PACSIN2: variants seen among roughly 807,000 people sequenced by gnomAD.
The protein encoded by PACSIN2 is protein kinase C and casein kinase substrate in neurons protein 2.
Under a neutral mutation model 63.8 loss-of-function variants are expected in PACSIN2, and 25 were observed. The ratio of observed to expected loss-of-function variants is 0.39; its 90% confidence interval spans 0.29 to 0.55. The LOEUF is 0.55. PACSIN2 is among the 20% of genes least tolerant of loss of function. The pLI, the probability that PACSIN2 is intolerant of heterozygous loss-of-function variation, is 0.62. For missense variants in PACSIN2, 518 were observed against 646.9 expected, an observed-to-expected ratio of 0.80 and a Z score of 2.16; for synonymous variants, 255 against 256.2, an observed-to-expected ratio of 1.00 and a Z score of 0.05.
intron 1 of PACSIN2, among the ~76,000 whole-genome samples, chr22:42,992,951 C>T (rs1370283671): frequency 6.6e-6 from 1 of 152,068 alleles, no homozygotes; most frequent in African/African-American, 2.4e-5. Context: ...ATTGCCCGAG[C>T]TCAGGAGTTT....
At chr22:42,987,422 G>A (rs1276777890) in intron 1 of PACSIN2, among the ~76,000 whole-genome samples, 1 of 143,870 alleles carries the variant, frequency 7.0e-6, no homozygotes, top group African/African-American at 2.6e-5. Context: ...CATGTGGTTT[G>A]AGACACCCCA....
chr22:42,878,086 T>C (rs1446719305), intron 8 of PACSIN2, among the ~76,000 whole-genome samples: 1 of 152,156 alleles, frequency 6.6e-6, no homozygotes, highest in Non-Finnish European at 1.5e-5. Context: ...CTTGGCACCT[T>C]TCTCTAGCAG....
chr22:42,891,171 C>G lies in PACSIN2; in HGVS notation c.229G>C (p.Gly77Arg). 2 of 1,613,110 alleles carry G rather than the reference C, an allele frequency of 1.2e-6. No individual in the cohort carries two copies. Among genetic ancestry groups the G allele is most frequent in the Non-Finnish European group, 1.7e-6 (2 of 1,179,614 alleles). Reference sequence around the variant, plus strand: ...GCCATCCAGGCCTTCTCCACGGTCCCGTACTGGGGCCCTGTGCAGGGGAGA... The same window carrying G: ...GCCATCCAGGCCTTCTCCACGGTCCGGTACTGGGGCCCTGTGCAGGGGAGA... ...RQLVEKGPQY[G>R]TVEKAWMAFM... is the part of the protein sequence containing the mutation. Residue 77 changes from glycine to arginine, a missense_variant, in exon 4 of 11, where the codon GGG becomes CGG. Gly to Arg is a moderately radical substitution (Grantham distance 125, BLOSUM62 -2). Transcript: ENST00000263246.
At chr22:42,916,969 T>A (rs1203055639) in intron 1 of PACSIN2, among the ~76,000 whole-genome samples, 1 of 152,192 alleles carries the variant, frequency 6.6e-6, no homozygotes, top group Non-Finnish European at 1.5e-5. Flanking sequence ...TAAGCACTTT[T>A]GGTGACGCTG....
intron 1 of PACSIN2, among the ~76,000 whole-genome samples, chr22:42,938,906 T>A (rs929467906): frequency 6.6e-6 from 1 of 152,362 alleles, no homozygotes; most frequent in East Asian, 1.9e-4. Flanking sequence ...AAATCCTATA[T>A]GCAGATTCAT....
intron 1 of PACSIN2, among the ~76,000 whole-genome samples, chr22:42,999,241 C>T (rs1362325296): frequency 1.3e-5 from 2 of 152,240 alleles, no homozygotes; most frequent in African/African-American, 2.4e-5. Flanking sequence ...CATGCTCCCC[C>T]TCCTGTAAGT....
At chr22:42,907,999 G>A (rs900043172) in intron 2 of PACSIN2, among the ~76,000 whole-genome samples, 10 of 152,304 alleles carry the variant, frequency 6.6e-5, no homozygotes, top group African/African-American at 2.2e-4. Flanking sequence ...GGCAGGGAAC[G>A]GTAAATGTTG....
chr22:42,943,085 A>G (rs767396525), intron 1 of PACSIN2, among the ~76,000 whole-genome samples: 6 of 152,100 alleles, frequency 3.9e-5, no homozygotes, highest in African/African-American at 1.2e-4. Context: ...ATGTTTTGTA[A>G]TTTTCAGAAT....
intron 5 of PACSIN2, among the ~76,000 whole-genome samples, chr22:42,887,504 C>T (rs534275153): frequency 1.2e-4 from 19 of 152,310 alleles, no homozygotes; most frequent in African/African-American, 4.6e-4. Flanking sequence ...CTGCCCATGT[C>T]CTCTTCCTGG....
At chr22:42,966,533 T>C (rs926918388) in intron 1 of PACSIN2, among the ~76,000 whole-genome samples, 1 of 152,244 alleles carries the variant, frequency 6.6e-6, no homozygotes, top group Non-Finnish European at 1.5e-5. Flanking sequence ...ACCCTTTACA[T>C]AAGCTTCTTT....
intron 2 of PACSIN2, among the ~76,000 whole-genome samples, chr22:42,907,130 T>C (rs1931129158): frequency 6.6e-6 from 1 of 152,200 alleles, no homozygotes; most frequent in Non-Finnish European, 1.5e-5. Flanking sequence ...TCTTTGTGGA[T>C]GGGAGCCTGG....
At chr22:42,950,529 C>CCAGGCA (rs1297127570) in intron 1 of PACSIN2, among the ~76,000 whole-genome samples, 1 of 145,678 alleles carries the variant, frequency 6.9e-6, no homozygotes, top group African/African-American at 2.5e-5. Flanking sequence ...ACGCTGCTGT[C>CCAGGCA]CAGGCACAGG....
chr22:42,912,744 A>T (rs905434491), intron 1 of PACSIN2, among the ~76,000 whole-genome samples: 1 of 152,072 alleles, frequency 6.6e-6, no homozygotes, highest in Non-Finnish European at 1.5e-5. Context: ...AAACTGAAGG[A>T]CTCCCATAAG....
chr22:42,888,533 T>G, intron 5 of PACSIN2, 110 bp downstream of exon 5: 1 of 1,084,618 alleles, frequency 9.2e-7, no homozygotes, highest in Middle Eastern at 2.1e-4. Flanking sequence ...TATTGGTTAT[T>G]TATCCCTCTA....
chr22:42,990,657 CA>C (rs1351435339), intron 1 of PACSIN2, among the ~76,000 whole-genome samples: 1 of 152,122 alleles, frequency 6.6e-6, no homozygotes, highest in Non-Finnish European at 1.5e-5. Flanking sequence ...GCAAGAAGTT[CA>C]GGAGTGTGGC....
intron 1 of PACSIN2, among the ~76,000 whole-genome samples, chr22:42,987,018 T>C (rs1326385272): frequency 6.7e-6 from 1 of 149,598 alleles, no homozygotes; most frequent in African/African-American, 2.4e-5. Flanking sequence ...CACTGACGCC[T>C]TCCCTAACTA....
intron 1 of PACSIN2, among the ~76,000 whole-genome samples, chr22:43,014,643 A>C (rs1601630855): frequency 2.8e-5 from 4 of 142,944 alleles, no homozygotes; most frequent in South Asian, 2.2e-4. Flanking sequence ...AGCTGTCTAC[A>C]CCTCCCCCAC....
At chr22:43,003,312 AAAAAC>A (rs1157097203) in intron 1 of PACSIN2, among the ~76,000 whole-genome samples, 69 of 152,358 alleles carry the variant, frequency 4.5e-4, no homozygotes, top group African/African-American at 1.5e-3. Flanking sequence ...TCCCAAGCAT[AAAAAC>A]AAATATCGGC....
intron 1 of PACSIN2, among the ~76,000 whole-genome samples, chr22:43,008,540 C>G (rs541187845): frequency 1.3e-5 from 2 of 152,230 alleles, no homozygotes; most frequent in African/African-American, 2.4e-5. Flanking sequence ...TTAGCCACCA[C>G]GCCCGGCCTA....
Sources: allele counts gnomAD v4.1 joint callset (sites outside exome capture counted in the v4.1 genomes callset), GRCh38; gene constraint gnomAD v4.1.1; transcripts MANE v1.5; gene names NCBI Gene and HGNC (gene_info 2026-07-23, HGNC 2026-07-21).